The following ITPK1 variants were observed in gnomAD, a reference collection of about 807,000 sequenced individuals.
ITPK1 encodes the protein inositol 1,3,4-trisphosphate 5/6-kinase.
Under a neutral mutation model 45.3 loss-of-function variants are expected in ITPK1, and 21 were observed. The ratio of observed to expected loss-of-function variants is 0.46; its 90% confidence interval spans 0.33 to 0.67. The LOEUF (loss-of-function observed/expected upper bound fraction) is 0.67. Ranked by LOEUF, ITPK1 falls within the 30% of genes least tolerant of loss-of-function variation. The probability of loss-of-function intolerance (pLI) is 0.02; values close to 1 mark genes in which losing one functional copy is unlikely to be tolerated. For missense variants in ITPK1, 474 were observed against 573.5 expected (o/e 0.83, Z 1.77); for synonymous variants, 258 against 253.6 (o/e 1.02, Z -0.16).
intron 2 of ITPK1, among the ~76,000 whole-genome samples, chr14:93,107,757 C>A (rs1307311969): frequency 3.9e-5 from 6 of 152,198 alleles, no homozygotes. Flanking sequence ...CCACCGAACC[C>A]TAAAAATGGC....
chr14:92,955,927 TATCC>T (rs1340639770), intron 8 of ITPK1, among the ~76,000 whole-genome samples: 1 of 152,182 alleles, frequency 6.6e-6, no homozygotes, highest in African/African-American at 2.4e-5. Context: ...TTACACTTCT[TATCC>T]AGAAAGAGAA....
rs1383201178 is a variant in ITPK1 at position 93,012,089 on chromosome 14, C to G, written c.246+4587G>C. 3.3e-5 allele frequency among the ~76,000 whole-genome samples: 5 copies of G among 152,184 alleles called. No homozygotes were observed. Among genetic ancestry groups the G allele is most frequent in the Non-Finnish European group, 7.3e-5 (5 of 68,038 alleles). On this transcript the variant is annotated intron_variant, in intron 4 of 10. Coordinates refer to ENST00000267615, the MANE Select transcript of ITPK1 (RefSeq NM_014216.6). This position sits in a 1 kb window ranked among gnomAD's most constrained non-coding sequence, Gnocchi z 4.9. ...CCAGCAGAGCCACGTCCTCCCTCCG[C>G]AAGGCCATCAGGGCACCCCATGAAA...
Position 92,951,377 on chromosome 14 carries a change from A to C in ITPK1, c.738+569T>G, listed in dbSNP as rs192455218. On this transcript the variant is annotated intron_variant, in intron 9 of 10. Transcript: ENST00000267615. ...TTGCACCGTGTGAACAGCCTTGTGA[A>C]CGTGCAAAGATCACTGAGCCTCTCT... Among the ~76,000 whole-genome samples the C allele has an allele frequency of 2.3e-3, 343 of 152,278 alleles. 3 individuals are homozygous for C. The highest frequency in any genetic ancestry group is 8.1e-3 in the African/African-American group (335 of 41,568).
Position 92,989,493 on chromosome 14 carries a change from A to C in ITPK1, c.364+4387T>G, listed in dbSNP as rs563720291. ...TTACGGCCCAGGTGCCTTCTCATAC[A>C]TGGTGCCTTCTCAGCCAGTTTGGGA... On this transcript the variant is annotated intron_variant, in intron 5 of 10. Coordinates refer to ENST00000267615, the MANE Select transcript of ITPK1 (RefSeq NM_014216.6). Among the ~76,000 whole-genome samples, 227 of 152,272 alleles carry C rather than the reference A, an allele frequency of 1.5e-3. 1 individual carries two copies. The Middle Eastern group carries it at 0.024, about 16-fold the overall frequency.
At chr14:93,029,373 G>A (rs1888916017) in intron 3 of ITPK1, among the ~76,000 whole-genome samples, 1 of 152,172 alleles carries the variant, frequency 6.6e-6, no homozygotes, top group African/African-American at 2.4e-5. Flanking sequence ...TATGGTGGGA[G>A]AGGTGAGAAT....
rs1350406428 is a variant in ITPK1, at chr14:92,937,370, G to A, written c.*4191C>T. 1 of 152,234 alleles carries A rather than the reference G, an allele frequency of 6.6e-6. No homozygotes were observed. The highest frequency in any genetic ancestry group is 6.5e-5 in the Admixed American group (1 of 15,276). The allele number at this position is 152,234 out of a possible 1,614,324, so 9.4% of individuals were successfully genotyped here. On this transcript the variant is annotated 3_prime_UTR_variant, in exon 11 of 11. Transcript: ENST00000267615. ...GTGGCTTTTCAGAGTGAGCTTCTGA[G>A]AGGTGATTCCACACAGCCCTGGAGG...
chr14:92,958,445 C>A lies in ITPK1; in HGVS notation c.505-79G>T. ...CCAACACACAGGTGTGTCACCTGTC[C>A]AGAGCACCTCCACCAAGGCCCATCC... On this transcript the variant is annotated intron_variant, in intron 7 of 10. Coordinates refer to ENST00000267615, the MANE Select transcript of ITPK1 (RefSeq NM_014216.6). This position sits in a 1 kb window ranked among gnomAD's most constrained non-coding sequence, Gnocchi z 4.4. 7.3e-7 allele frequency: 1 copy of A among 1,379,286 alleles called. No homozygotes were observed. The highest frequency in any genetic ancestry group is 1.2e-5 in the South Asian group (1 of 80,036). 85.4% of individuals were successfully genotyped at this position (1,379,286 alleles called of 1,614,324 possible). A position where few individuals can be genotyped will look rare whatever the true frequency, so the allele number is the denominator to read the frequency against.
intron 2 of ITPK1, among the ~76,000 whole-genome samples, chr14:93,105,840 AT>A (rs1469696914): frequency 6.6e-6 from 1 of 151,324 alleles, no homozygotes; most frequent in Non-Finnish European, 1.5e-5. Context: ...AGCAGCTGGG[AT>A]TACAGGTGCC....
intron 5 of ITPK1, among the ~76,000 whole-genome samples, chr14:92,973,620 G>A (rs1038445725): frequency 9.2e-5 from 14 of 152,214 alleles, no homozygotes; most frequent in Non-Finnish European, 1.5e-4. Context: ...CTGTGCATCC[G>A]GGTGAACCAA....
chr14:93,069,859 G>A (rs551686656), intron 3 of ITPK1: 1 of 152,410 alleles, frequency 6.6e-6, no homozygotes, highest in South Asian at 2.1e-4. Flanking sequence ...TCACCAGCAA[G>A]CCAGCCAGCA....
Position 92,941,682 on chromosome 14 carries a change from T to C in ITPK1, c.1124A>G (p.Glu375Gly). Residue 375 changes from glutamate (E) to glycine (G), a missense_variant, in exon 11 of 11, where the codon GAG becomes GGG. Glu to Gly is a moderately conservative substitution (Grantham distance 98). Coordinates refer to ENST00000267615, the MANE Select transcript of ITPK1 (RefSeq NM_014216.6). ...CTTGGCGGTGCCGCCCGCGTCGGCCTCAGCCTTCCAGGGCGCGTCCTGGCC... is the reference window on the plus strand; with the variant it reads ...CTTGGCGGTGCCGCCCGCGTCGGCCCCAGCCTTCCAGGGCGCGTCCTGGCC... ...MMGQDAPWKA[E>G]ADAGGTAKLP... 1 of 1,548,406 alleles carries C rather than the reference T, an allele frequency of 6.5e-7. No homozygotes were observed. The highest frequency in any genetic ancestry group is 1.2e-5 in the South Asian group (1 of 84,878).
At chr14:93,003,229 G>A (rs896643397) in intron 4 of ITPK1, among the ~76,000 whole-genome samples, 2 of 152,198 alleles carry the variant, frequency 1.3e-5, no homozygotes, top group South Asian at 4.1e-4. Context: ...GCCTCTCCCT[G>A]GGAGGTCAGG....
At chr14:92,963,001 T>G in intron 5 of ITPK1, 152 bp from the exon 6 acceptor site, 1 of 566,718 alleles carries the variant, frequency 1.8e-6, no homozygotes, top group Non-Finnish European at 3.1e-6. Context: ...TGTGCTCGTG[T>G]GTGTGAACAA....
At chr14:92,976,207 G>T (rs1885931650) in intron 5 of ITPK1, among the ~76,000 whole-genome samples, 1 of 152,190 alleles carries the variant, frequency 6.6e-6, no homozygotes, top group Non-Finnish European at 1.5e-5. Context: ...CAAGTCTCCA[G>T]TTAGCAGATA....
chr14:93,021,298 A>C (rs1888447233), intron 3 of ITPK1, among the ~76,000 whole-genome samples: 1 of 152,086 alleles, frequency 6.6e-6, no homozygotes, highest in Non-Finnish European at 1.5e-5. Context: ...ACAGACTTCC[A>C]GAAGGATGTT....
At chr14:92,997,138 C>T (rs997043699) in intron 4 of ITPK1, among the ~76,000 whole-genome samples, 3 of 152,222 alleles carry the variant, frequency 2.0e-5, no homozygotes, top group African/African-American at 7.2e-5. Flanking sequence ...AGGGGGCCAA[C>T]AGCCGAGCAC....
rs897466527 is a variant in ITPK1, at chr14:93,014,248, G to T, written c.246+2428C>A. On this transcript the variant is annotated intron_variant, in intron 4 of 10. Coordinates refer to ENST00000267615, the MANE Select transcript of ITPK1 (RefSeq NM_014216.6). This position sits in a 1 kb window ranked among gnomAD's most constrained non-coding sequence, Gnocchi z 4.4. ...CTGCCTGACAGCCTTAAGCCACAAGGCCCCATGCTGCCCTCCACACACGCT... is the reference window on the plus strand; with the variant it reads ...CTGCCTGACAGCCTTAAGCCACAAGTCCCCATGCTGCCCTCCACACACGCT... 6.6e-6 allele frequency among the ~76,000 whole-genome samples: 1 copy of T among 152,102 alleles called. No homozygotes were observed. Among genetic ancestry groups the T allele is most frequent in the African/African-American group, 2.4e-5 (1 of 41,414 alleles).
intron 4 of ITPK1, among the ~76,000 whole-genome samples, chr14:92,997,583 G>A (rs1887121686): frequency 6.6e-6 from 1 of 152,200 alleles, no homozygotes; most frequent in South Asian, 2.1e-4. Context: ...AGGGCCTCGT[G>A]TATTTTTCAC....
chr14:92,986,560 A>T (rs1886493870), intron 5 of ITPK1, among the ~76,000 whole-genome samples: 1 of 152,104 alleles, frequency 6.6e-6, no homozygotes, highest in African/African-American at 2.4e-5. Context: ...CTGTGGGTTG[A>T]GAGGGGACAG....
Sources: allele counts gnomAD v4.1 joint callset (sites outside exome capture counted in the v4.1 genomes callset), GRCh38; gene constraint gnomAD v4.1.1; non-coding constraint Gnocchi (gnomAD v3.1); transcripts MANE v1.5; gene names NCBI Gene and HGNC (gene_info 2026-07-23, HGNC 2026-07-21).